DAOA: variants seen among roughly 807,000 people sequenced by gnomAD.
DAOA encodes the protein D-amino acid oxidase activator.
In DAOA, 15 loss-of-function variants were observed where a neutral mutation model predicts 16.4. The observed-to-expected ratio is 0.91, with a 90% CI of 0.61 to 1.41. The LOEUF is 1.41. Ranked by LOEUF, DAOA falls within the 40% of genes most tolerant of loss-of-function variation. The pLI is 0.00. For missense variants in DAOA, 230 were observed against 176.8 expected (o/e 1.30, Z -1.71); for synonymous variants, 75 against 59.1 (o/e 1.27, Z -1.23).
At position 105,472,523 on chromosome 13, in the gene DAOA, T is replaced by C. The variant is rs759335745; in HGVS notation, c.134-15T>C. ...AGTTAATATGTATTATATATCCACT[T>C]AAATACTGTTGCAGCAAAGGAGACA... is the stretch of plus-strand genomic sequence containing the variant. On this transcript the variant is annotated splice_polypyrimidine_tract_variant and intron_variant, in intron 3 of 5. Transcript: ENST00000375936. 1 of 1,611,678 alleles carries C rather than the reference T, an allele frequency of 6.2e-7. No individual in the cohort carries two copies. The highest frequency in any genetic ancestry group is 1.3e-5 in the African/African-American group (1 of 74,768).
chr13:105,478,196 T>C (rs867534517), intron 4 of DAOA, among the ~76,000 whole-genome samples: 5 of 152,196 alleles, frequency 3.3e-5, no homozygotes, highest in South Asian at 2.1e-4. Context: ...AAAATGATTG[T>C]TTTTTACACA....
chr13:105,484,806 C>T (rs974052869), intron 4 of DAOA, among the ~76,000 whole-genome samples: 2 of 152,004 alleles, frequency 1.3e-5, no homozygotes, highest in African/African-American at 4.8e-5. Context: ...TTATTGCTGC[C>T]TTACTACTAT....
intron 4 of DAOA, among the ~76,000 whole-genome samples, chr13:105,488,648 T>C (rs1473730511): frequency 6.6e-6 from 1 of 152,182 alleles, no homozygotes; most frequent in African/African-American, 2.4e-5. Context: ...ATTACTAGTG[T>C]GACAATGATT....
chr13:105,490,705 G>T (rs931767068), intron 5 of DAOA: 4 of 151,510 alleles, frequency 2.6e-5, no homozygotes, highest in South Asian at 2.1e-4. Flanking sequence ...ATGTCCTAAG[G>T]TTATTAACAA....
intron 3 of DAOA, among the ~76,000 whole-genome samples, chr13:105,470,446 A>C (rs372761821): frequency 6.6e-6 from 1 of 152,134 alleles, no homozygotes; most frequent in Non-Finnish European, 1.5e-5. Context: ...AACTAACAAA[A>C]TGCCAAACAA....
intron 4 of DAOA, among the ~76,000 whole-genome samples, chr13:105,474,366 G>A (rs974741693): frequency 4.6e-5 from 7 of 152,050 alleles, no homozygotes; most frequent in East Asian, 1.9e-4. Flanking sequence ...GTGTGCATGC[G>A]CGTGTGTGTG....
chr13:105,468,039 T>C (rs1268809449), intron 3 of DAOA, among the ~76,000 whole-genome samples: 2 of 152,158 alleles, frequency 1.3e-5, no homozygotes, highest in Admixed American at 6.5e-5. Context: ...GCCTCCTGCA[T>C]GCCTTGGCTC....
intron 4 of DAOA, 80 bp downstream of exon 4, chr13:105,472,765 T>C: frequency 7.5e-7 from 1 of 1,341,540 alleles, no homozygotes; most frequent in Non-Finnish European, 1.0e-6. Context: ...GCAACTTCTC[T>C]GGGCTTTTTA....
rs115136412 is a variant in DAOA at position 105,472,692 on chromosome 13, A to G, written c.281+7A>G. 9.6e-5 allele frequency: 153 copies of G among 1,591,698 alleles called. No homozygotes were observed. The African/African-American group carries it at 1.9e-3, about 19-fold the overall frequency. On this transcript the variant is annotated splice_region_variant and intron_variant, in intron 4 of 5. Transcript: ENST00000375936. The stretch of plus-strand genomic sequence containing the variant: ...TTCCTCAGCCCTATGCAGAGTATGT[A>G]TCTTCTTCATTTTAAACTTTTAACC...
intron 4 of DAOA, among the ~76,000 whole-genome samples, chr13:105,481,159 G>A (rs1299441215): frequency 1.3e-5 from 2 of 151,972 alleles, no homozygotes; most frequent in Admixed American, 6.6e-5. Flanking sequence ...TATTAATTGG[G>A]CCATTGTGTT....
At chr13:105,467,305 G>C (rs1876593820) in intron 3 of DAOA, among the ~76,000 whole-genome samples, 164 bp downstream of exon 3, 1 of 152,182 alleles carries the variant, frequency 6.6e-6, no homozygotes, top group Non-Finnish European at 1.5e-5. Context: ...GTACCTCTTG[G>C]TTTCTGGAGT....
intron 4 of DAOA, among the ~76,000 whole-genome samples, chr13:105,488,626 G>A (rs1026113963): frequency 6.6e-6 from 1 of 152,062 alleles, no homozygotes; most frequent in Non-Finnish European, 1.5e-5. Context: ...GAACAAATTC[G>A]CTTTTGAAGA....
At chr13:105,484,908 G>A (rs765966615) in intron 4 of DAOA, among the ~76,000 whole-genome samples, 1 of 151,978 alleles carries the variant, frequency 6.6e-6, no homozygotes, top group Non-Finnish European at 1.5e-5. Flanking sequence ...GGCAATTGTT[G>A]GGATCAATGT....
At position 105,467,066 on chromosome 13, in the gene DAOA, T is replaced by C. The variant is rs1459559916; in HGVS notation, c.58T>C (p.Leu20=). 3 of 1,610,416 alleles carry C rather than the reference T, an allele frequency of 1.9e-6. No homozygotes were observed. Among genetic ancestry groups the C allele is most frequent in the South Asian group, 1.1e-5 (1 of 90,588 alleles). ...TTTAATTTTTAGATCCAGATATACA[T>C]TGGGTAAAATCTACTTCATAGGTTT... ...SLQLFRSRYT[L]GKIYFIGFQR... The change falls in exon 3 of 6, where the codon TTG becomes CTG. Residue 20 remains leucine, a synonymous_variant. Coordinates refer to ENST00000375936, the MANE Select transcript of DAOA (RefSeq NM_172370.5).
chr13:105,478,019 A>G (rs1877457930), intron 4 of DAOA, among the ~76,000 whole-genome samples: 1 of 152,184 alleles, frequency 6.6e-6, no homozygotes, highest in Admixed American at 6.5e-5. Flanking sequence ...ACTGTGCAGT[A>G]TTATTTAACA....
At chr13:105,478,777 A>T (rs1877514450) in intron 4 of DAOA, among the ~76,000 whole-genome samples, 1 of 152,146 alleles carries the variant, frequency 6.6e-6, no homozygotes, top group Admixed American at 6.5e-5. Flanking sequence ...AAATTCCAAG[A>T]GTCTATGTTC....
Position 105,490,001 on chromosome 13 carries a change from C to T in DAOA, c.382C>T (p.Arg128Ter), listed in dbSNP as rs369259159. ...TAAGGACCGCAGGCAGCCTCTAGAACGAATGTGGACCTGCAACTACAACCA... is the reference window on the plus strand; with the variant it reads ...TAAGGACCGCAGGCAGCCTCTAGAATGAATGTGGACCTGCAACTACAACCA... ...ASKDRRQPLE[R>*]MWTCNYNQQK... is the part of the protein sequence containing the mutation. Residue 128 changes from arginine (R) to a stop codon, truncating the protein, a stop_gained, in exon 5 of 6, where the codon CGA becomes TGA. Coordinates refer to ENST00000375936, the MANE Select transcript of DAOA (RefSeq NM_172370.5). LOFTEE classifies it low-confidence loss of function (END_TRUNC). 3.6e-5 allele frequency: 58 copies of T among 1,612,548 alleles called. No individual in the cohort carries two copies. Among genetic ancestry groups the T allele is most frequent in the East Asian group, 2.7e-4 (12 of 44,752 alleles).
chr13:105,476,128 T>A (rs1048355139), intron 4 of DAOA, among the ~76,000 whole-genome samples: 3 of 152,090 alleles, frequency 2.0e-5, no homozygotes, highest in Admixed American at 6.5e-5. Flanking sequence ...ATATATATAT[T>A]TTTTCAGACT....
rs200492743 is a variant in DAOA, at chr13:105,489,313, CAA to C, written c.282-585_282-584del. On this transcript the variant is annotated intron_variant, in intron 4 of 5. Transcript: ENST00000375936. ...AAAATTCTTTAGCTGTGTGACCCTGCAAAAGATACTTAACCCCAGTGTTTCAG... is the reference window on the plus strand; with the variant it reads ...AAAATTCTTTAGCTGTGTGACCCTGCAAGATACTTAACCCCAGTGTTTCAG... Among the ~76,000 whole-genome samples the C allele has an allele frequency of 1.6e-3, 251 of 152,236 alleles. 5 individuals are homozygous for C. In the East Asian group the frequency reaches 0.042, roughly 26 times the overall value.
Sources: allele counts gnomAD v4.1 joint callset (sites outside exome capture counted in the v4.1 genomes callset), GRCh38; gene constraint gnomAD v4.1.1; transcripts MANE v1.5; gene names NCBI Gene and HGNC (gene_info 2026-07-23, HGNC 2026-07-21).